Variants in WASF2 observed in about 807,000 individuals in gnomAD.
The protein encoded by WASF2 is WASP family member 2.
WASF2 carries 14 observed loss-of-function variants against 45.0 expected under a neutral mutation model. The observed-to-expected ratio is 0.31, with a 90% CI of 0.21 to 0.49. The LOEUF is 0.49. Ranked by LOEUF, WASF2 falls within the 20% of genes least tolerant of loss-of-function variation. WASF2 has a pLI of 0.99. For synonymous variants in WASF2, 200 were observed against 236.3 expected (o/e 0.85, Z 1.41); for missense variants, 439 against 636.1 (o/e 0.69, Z 3.33).
At position 27,418,295 on chromosome 1, in the gene WASF2, G is replaced by C. The variant is rs141837116; in HGVS notation, c.393C>G (p.Pro131=). 2.3e-5 allele frequency: 37 copies of C among 1,614,162 alleles called. No homozygotes were observed. In the African/African-American group the frequency reaches 4.7e-4, roughly 20 times the overall value. ...TGTAAGGGGTAAGATTGTTGAGAGG[G>C]GGAGGAGTATCACAGGTATTGTATG... is the stretch of plus-strand genomic sequence containing the variant. ...LETYNTCDTP[P]PLNNLTPYRD... Residue 131 remains proline (P), a synonymous_variant, in exon 4 of 9, where the codon CCC becomes CCG. Transcript: ENST00000618852.
intron 7 of WASF2, 98 bp downstream of exon 7, chr1:27,412,474 G>C: frequency 6.6e-7 from 1 of 1,521,174 alleles, no homozygotes; most frequent in Non-Finnish European, 9.0e-7. Flanking sequence ...GCCTCCCAAA[G>C]AGCTGGGATT....
At chr1:27,436,838 T>A (rs2017144163) in intron 1 of WASF2, among the ~76,000 whole-genome samples, 1 of 152,180 alleles carries the variant, frequency 6.6e-6, no homozygotes, top group African/African-American at 2.4e-5. Context: ...CTGCGGTAGA[T>A]ACAGAAAGTA....
At chr1:27,452,355 A>G (rs1430147445) in intron 1 of WASF2, among the ~76,000 whole-genome samples, 1 of 152,154 alleles carries the variant, frequency 6.6e-6, no homozygotes, top group African/African-American at 2.4e-5. Context: ...TCTACTAAAA[A>G]TACAAAAATT....
At chr1:27,478,224 A>C (rs1367790980) in intron 1 of WASF2, among the ~76,000 whole-genome samples, 2 of 151,946 alleles carry the variant, frequency 1.3e-5, no homozygotes, top group Non-Finnish European at 2.9e-5. Flanking sequence ...AAAAAATAAA[A>C]AAGGAAAGAA....
At chr1:27,416,636 C>T (rs2016829703) in intron 4 of WASF2, among the ~76,000 whole-genome samples, 1 of 152,202 alleles carries the variant, frequency 6.6e-6, no homozygotes, top group South Asian at 2.1e-4. Flanking sequence ...ACACAGAAAA[C>T]CAACCACAGC....
chr1:27,487,773 T>A (rs886958332), intron 1 of WASF2, among the ~76,000 whole-genome samples: 2 of 134,264 alleles, frequency 1.5e-5, no homozygotes, highest in Admixed American at 8.9e-5. Context: ...ATATATTATA[T>A]ATTTATTTTA....
chr1:27,431,754 T>G (rs2017065367), intron 1 of WASF2, among the ~76,000 whole-genome samples: 1 of 152,246 alleles, frequency 6.6e-6, no homozygotes, highest in African/African-American at 2.4e-5. Context: ...ACTTTAGCAC[T>G]TATGGTTTTC....
intron 1 of WASF2, among the ~76,000 whole-genome samples, chr1:27,487,669 A>ATATTATATAATATATAT (rs1309053550): frequency 4.7e-5 from 5 of 107,452 alleles, no homozygotes; most frequent in Non-Finnish European, 8.7e-5. Context: ...TATATATTAT[A>ATATTATATAATATATAT]TATATTTTAT....
At chr1:27,457,870 A>G (rs1247041350) in intron 1 of WASF2, among the ~76,000 whole-genome samples, 1 of 151,742 alleles carries the variant, frequency 6.6e-6, no homozygotes, top group Non-Finnish European at 1.5e-5. Context: ...CAATCCTCCC[A>G]CCTTTACCTC....
At chr1:27,472,103 C>T (rs537528438) in intron 1 of WASF2, among the ~76,000 whole-genome samples, 6 of 152,146 alleles carry the variant, frequency 3.9e-5, no homozygotes, top group East Asian at 3.9e-4. Flanking sequence ...GAGGCAGAGG[C>T]GGGCAGATCA....
intron 1 of WASF2, among the ~76,000 whole-genome samples, chr1:27,448,271 C>G (rs2474302): frequency 0.98 from 149,720 of 152,320 alleles, 73,628 homozygotes; most frequent in Middle Eastern, 1. Flanking sequence ...CTTGACATTA[C>G]TCTTTGAAGG....
At chr1:27,489,781 G>A (rs1026778172) in intron 1 of WASF2, among the ~76,000 whole-genome samples, 23 of 152,216 alleles carry the variant, frequency 1.5e-4, no homozygotes, top group African/African-American at 5.3e-4. Context: ...AGTTTCCGAA[G>A]GGGACTTCGG....
chr1:27,456,153 G>A (rs1489336711), intron 1 of WASF2, among the ~76,000 whole-genome samples: 3 of 151,582 alleles, frequency 2.0e-5, no homozygotes, highest in African/African-American at 4.8e-5. Flanking sequence ...AAACCCCATC[G>A]CTACTAAAAA....
chr1:27,429,043 C>CT (rs200966642), intron 1 of WASF2, 110 bp from the exon 2 acceptor site: 7 of 936,984 alleles, frequency 7.5e-6, no homozygotes, highest in Non-Finnish European at 1.1e-5. Context: ...TCTAAAACAG[C>CT]TTTAAAAAAA....
chr1:27,410,500 C>T lies in WASF2; in HGVS notation c.825-294G>A, dbSNP rs887097981. Among the ~76,000 whole-genome samples, 8 of 152,172 alleles carry T rather than the reference C, an allele frequency of 5.3e-5. No homozygotes were observed. The highest frequency in any genetic ancestry group is 1.3e-4 in the Admixed American group (2 of 15,282). ...GTACAGGCTAGCTGAGACATCTCTT[C>T]GGCCCCCTCTGCCTTTCCAGCTCTA... On this transcript the variant is annotated intron_variant, in intron 7 of 8. Transcript: ENST00000618852. The surrounding 1 kb of genome is among the most constrained non-coding windows in gnomAD (Gnocchi z 4.2).
At chr1:27,436,906 A>G (rs2017145036) in intron 1 of WASF2, among the ~76,000 whole-genome samples, 2 of 152,346 alleles carry the variant, frequency 1.3e-5, no homozygotes, top group East Asian at 1.9e-4. Flanking sequence ...GATATTTCCA[A>G]TTTCATAAAG....
Position 27,484,967 on chromosome 1 carries a change from T to C in WASF2, c.-44+5019A>G, listed in dbSNP as rs112794497. Among the ~76,000 whole-genome samples the C allele has an allele frequency of 5.5e-3, 834 of 150,770 alleles. 5 individuals carry two copies. The highest frequency in any genetic ancestry group is 0.018 in the African/African-American group (745 of 41,000). ...GAGTTCAAGACCACCCTGGCCAACT[T>C]GGAGAAACCCCGTCTCTACTAAAAA... On this transcript the variant is annotated intron_variant, in intron 1 of 8. Coordinates refer to ENST00000618852, the MANE Select transcript of WASF2 (RefSeq NM_006990.5).
chr1:27,446,282 T>C (rs2017309116), intron 1 of WASF2, among the ~76,000 whole-genome samples: 2 of 152,310 alleles, frequency 1.3e-5, no homozygotes, highest in Admixed American at 6.5e-5. Flanking sequence ...GGATCTTTGT[T>C]GTGATTTCAC....
At chr1:27,438,703 A>G (rs990186341) in intron 1 of WASF2, among the ~76,000 whole-genome samples, 5 of 152,256 alleles carry the variant, frequency 3.3e-5, no homozygotes, top group African/African-American at 1.2e-4. Flanking sequence ...TGTGACTATT[A>G]ATACACCAAC....
Sources: gnomAD v4.1 joint callset for allele counts (sites outside exome capture counted in the v4.1 genomes callset) on GRCh38, gnomAD v4.1.1 for gene constraint, Gnocchi (gnomAD v3.1) non-coding constraint, MANE v1.5 for transcripts, NCBI Gene and HGNC (gene_info 2026-07-23, HGNC 2026-07-21) for gene names.